RBM19: variants seen among roughly 807,000 people sequenced by gnomAD.
The protein encoded by RBM19 is RNA binding motif protein 19.
Under a neutral mutation model 116.8 loss-of-function variants are expected in RBM19, and 94 were observed. The ratio of observed to expected loss-of-function variants is 0.80; its 90% CI spans 0.68 to 0.95. The LOEUF (loss-of-function observed/expected upper bound fraction) is 0.95. Among genes scored for constraint, RBM19 ranks in the 40% least tolerant of loss-of-function variants. RBM19 has a pLI of 0.00. For synonymous variants in RBM19, 475 were observed against 494.1 expected, an observed-to-expected ratio of 0.96 and a Z score of 0.51; for missense variants, 1,161 against 1,220.7, an observed-to-expected ratio of 0.95 and a Z score of 0.73.
intron 21 of RBM19, among the ~76,000 whole-genome samples, chr12:113,860,605 G>A (rs1470149765): frequency 6.6e-6 from 1 of 152,168 alleles, no homozygotes; most frequent in Non-Finnish European, 1.5e-5. Context: ...TTCTCAACAC[G>A]GCCATAGACA....
At chr12:113,876,473 G>A (rs889170272) in intron 21 of RBM19, among the ~76,000 whole-genome samples, 32 of 152,192 alleles carry the variant, frequency 2.1e-4, no homozygotes, top group Admixed American at 1.3e-4. Flanking sequence ...ACACAGAGCT[G>A]GGCCCATAGT....
intron 21 of RBM19, among the ~76,000 whole-genome samples, chr12:113,904,907 C>A (rs1035672617): frequency 1.3e-5 from 2 of 152,160 alleles, no homozygotes; most frequent in African/African-American, 4.8e-5. Context: ...ATATAGGTGT[C>A]ATCTGCAATC....
chr12:113,866,613 T>C (rs4766704), intron 21 of RBM19, among the ~76,000 whole-genome samples: 17,581 of 152,204 alleles, frequency 0.12, 1,197 homozygotes, highest in Non-Finnish European at 0.16. Context: ...CCTGGACTGG[T>C]AGCATCAGCA....
At chr12:113,854,271 G>C (rs556248245) in intron 22 of RBM19, among the ~76,000 whole-genome samples, 1 of 152,262 alleles carries the variant, frequency 6.6e-6, no homozygotes, top group East Asian at 1.9e-4. Context: ...CGGGCTTCCA[G>C]AAGTTGACAG....
chr12:113,889,448 G>C (rs1379348454), intron 21 of RBM19, among the ~76,000 whole-genome samples: 1 of 152,160 alleles, frequency 6.6e-6, no homozygotes, highest in African/African-American at 2.4e-5. Context: ...TGAAGCCTGA[G>C]TCAATCTGGG....
At chr12:113,909,730 G>A (rs1882311886) in intron 21 of RBM19, among the ~76,000 whole-genome samples, 1 of 152,110 alleles carries the variant, frequency 6.6e-6, no homozygotes, top group African/African-American at 2.4e-5. Context: ...AGCCACCCAA[G>A]CCTTCCTTCT....
intron 21 of RBM19, among the ~76,000 whole-genome samples, chr12:113,887,497 C>T (rs1273476561): frequency 1.3e-5 from 2 of 151,526 alleles, no homozygotes; most frequent in South Asian, 4.2e-4. Context: ...ATTAGCCAGG[C>T]GTGGTGGCAT....
chr12:113,838,383 C>T (rs1876149019), intron 23 of RBM19, among the ~76,000 whole-genome samples: 1 of 152,150 alleles, frequency 6.6e-6, no homozygotes, highest in Admixed American at 6.5e-5. Context: ...ACAGGATGAG[C>T]ATGCAAACTC....
intron 21 of RBM19, among the ~76,000 whole-genome samples, chr12:113,883,199 C>A (rs950229193): frequency 1.3e-5 from 2 of 152,208 alleles, no homozygotes; most frequent in South Asian, 2.1e-4. Flanking sequence ...CAAGAAGTCA[C>A]CTGTGGCTAC....
In RBM19 at chr12:113,930,672, G is replaced by T. The variant is rs958229643; in HGVS notation, c.2069-3443C>A. On this transcript the variant is annotated intron_variant, in intron 16 of 23. Coordinates refer to ENST00000261741, the MANE Select transcript of RBM19 (RefSeq NM_016196.4). ...CTTAAATGAAAGATGTGCTCAAAGGGGTCTGCCTTTCCTCCAGCAGCGCAG... is the reference window on the plus strand; with the variant it reads ...CTTAAATGAAAGATGTGCTCAAAGGTGTCTGCCTTTCCTCCAGCAGCGCAG... Among the ~76,000 whole-genome samples, 6 of 152,206 alleles carry T rather than the reference G, an allele frequency of 3.9e-5. No homozygotes were observed. The East Asian group carries it at 1.2e-3, about 29-fold the overall frequency.
intron 23 of RBM19, among the ~76,000 whole-genome samples, chr12:113,831,272 CCTCT>C (rs1875386334): frequency 6.6e-6 from 1 of 152,222 alleles, no homozygotes; most frequent in African/African-American, 2.4e-5. Context: ...TTCTCTCTCT[CCTCT>C]CTGTCTACAA....
intron 23 of RBM19, among the ~76,000 whole-genome samples, chr12:113,837,456 C>G (rs1467061330): frequency 2.0e-5 from 3 of 152,226 alleles, no homozygotes; most frequent in Non-Finnish European, 4.4e-5. Flanking sequence ...CCTCAACAAT[C>G]CTATTTGTTG....
chr12:113,854,545 T>C (rs1013600417), intron 22 of RBM19, among the ~76,000 whole-genome samples: 3 of 152,112 alleles, frequency 2.0e-5, no homozygotes, highest in African/African-American at 2.4e-5. Flanking sequence ...TCATCACACC[T>C]GGAGGTTTAG....
At chr12:113,933,754 CTCAGGGCCCACT>C (rs1405930866) in intron 16 of RBM19, among the ~76,000 whole-genome samples, 1 of 152,210 alleles carries the variant, frequency 6.6e-6, no homozygotes, top group African/African-American at 2.4e-5. Flanking sequence ...CATTTCTGTA[CTCAGGGCCCACT>C]TCTATTACTA....
intron 23 of RBM19, 42 bp from the exon 24 acceptor site, chr12:113,823,363 G>A (rs765296261): frequency 1.9e-5 from 30 of 1,562,926 alleles, no homozygotes; most frequent in Middle Eastern, 1.7e-4. Context: ...AAGAACAGCC[G>A]AGAGGGTTGG....
chr12:113,852,862 C>T (rs575858728), intron 22 of RBM19, among the ~76,000 whole-genome samples: 1 of 152,366 alleles, frequency 6.6e-6, no homozygotes, highest in South Asian at 2.1e-4. Flanking sequence ...TCCTCCTCTG[C>T]ACTCAGTTTA....
At chr12:113,856,110 T>A (rs1877879610) in intron 22 of RBM19, among the ~76,000 whole-genome samples, 1 of 152,122 alleles carries the variant, frequency 6.6e-6, no homozygotes, top group South Asian at 2.1e-4. Flanking sequence ...AGCCACCTGA[T>A]GGGGAGAAGG....
At chr12:113,858,690 G>A in intron 22 of RBM19, 101 bp downstream of exon 22, 1 of 1,073,478 alleles carries the variant, frequency 9.3e-7, no homozygotes, top group Non-Finnish European at 1.4e-6. Context: ...CACCTGCATG[G>A]GGAGGTGACT....
chr12:113,831,893 C>T (rs1875450198), intron 23 of RBM19, among the ~76,000 whole-genome samples: 2 of 152,150 alleles, frequency 1.3e-5, no homozygotes, highest in African/African-American at 4.8e-5. Context: ...TCCAGGACCC[C>T]CAGCCTCCCT....
Sources: gnomAD v4.1 joint callset for allele counts (sites outside exome capture counted in the v4.1 genomes callset) on GRCh38, gnomAD v4.1.1 for gene constraint, MANE v1.5 for transcripts, NCBI Gene and HGNC (gene_info 2026-07-23, HGNC 2026-07-21) for gene names.